Variants in CFAP299 observed in about 807,000 individuals in gnomAD.
CFAP299 encodes the protein cilia- and flagella-associated protein 299.
In CFAP299, 21 loss-of-function variants were observed where a neutral mutation model predicts 27.0. The observed-to-expected ratio is 0.78, with a 90% CI of 0.55 to 1.12. The LOEUF (loss-of-function observed/expected upper bound fraction) is 1.12, where lower values mean the gene tolerates loss of function less well. Ranked by LOEUF, CFAP299 falls within the 50% of genes most tolerant of loss-of-function variation. The probability of loss-of-function intolerance (pLI) is 0.00; values close to 1 mark genes in which losing one functional copy is unlikely to be tolerated. For synonymous variants in CFAP299, 104 were observed against 98.1 expected (o/e 1.06, Z -0.36); for missense variants, 310 against 276.6 (o/e 1.12, Z -0.86).
intron 2 of CFAP299, among the ~76,000 whole-genome samples, chr4:80,390,616 T>C (rs932972609): frequency 7.8e-6 from 1 of 128,694 alleles, no homozygotes; most frequent in East Asian, 2.1e-4. Context: ...CACACATATG[T>C]ATATATGTAT....
rs901450545 is a variant in CFAP299 at position 80,866,075 on chromosome 4, A to G, written c.334-3918A>G. On this transcript the variant is annotated intron_variant, in intron 3 of 5. Coordinates refer to ENST00000358105, the MANE Select transcript of CFAP299 (RefSeq NM_152770.3). The stretch of plus-strand genomic sequence containing the variant: ...CTTAAAGTATTATATATATATATAT[A>G]TATATATATATATATATATATCTTC... 2.5e-4 allele frequency among the ~76,000 whole-genome samples: 29 copies of G among 115,046 alleles called. No individual in the cohort carries two copies. In the South Asian group the frequency reaches 3.0e-3, roughly 12 times the overall value. The allele number at this position is 115,046 out of a possible 152,430, so 75.5% of individuals were successfully genotyped here.
At chr4:80,666,727 T>A (rs1437601240) in intron 3 of CFAP299, among the ~76,000 whole-genome samples, 1 of 152,216 alleles carries the variant, frequency 6.6e-6, no homozygotes, top group African/African-American at 2.4e-5. Flanking sequence ...CCAGACTTTC[T>A]TGTAACTAAG....
intron 2 of CFAP299, among the ~76,000 whole-genome samples, chr4:80,430,351 A>G (rs1388594810): frequency 6.6e-6 from 1 of 152,130 alleles, no homozygotes; most frequent in Non-Finnish European, 1.5e-5. Flanking sequence ...CTGCTGATCT[A>G]TTTCTCTGCC....
chr4:80,430,972 C>T (rs997023904), intron 2 of CFAP299, among the ~76,000 whole-genome samples: 1 of 152,204 alleles, frequency 6.6e-6, no homozygotes, highest in Non-Finnish European at 1.5e-5. Context: ...TAGTCCCTCA[C>T]ATCCTTCAGG....
intron 3 of CFAP299, chr4:80,790,353 A>C (rs964734811): frequency 6.6e-6 from 1 of 152,074 alleles, no homozygotes; most frequent in Non-Finnish European, 1.5e-5. Context: ...CTTAGTGGTC[A>C]GAGCAATTTT....
At chr4:80,401,486 A>T (rs1578403865) in intron 2 of CFAP299, among the ~76,000 whole-genome samples, 1 of 152,218 alleles carries the variant, frequency 6.6e-6, no homozygotes, top group African/African-American at 2.4e-5. Context: ...AGAGGGGGGA[A>T]GCCCCAAGTC....
At chr4:80,717,074 C>A (rs1364208669) in intron 3 of CFAP299, among the ~76,000 whole-genome samples, 2 of 152,068 alleles carry the variant, frequency 1.3e-5, no homozygotes, top group Non-Finnish European at 2.9e-5. Context: ...ATAATCTGCT[C>A]AGTGCTGGGG....
At chr4:80,513,492 C>G (rs747696821) in intron 2 of CFAP299, among the ~76,000 whole-genome samples, 1 of 152,226 alleles carries the variant, frequency 6.6e-6, no homozygotes, top group East Asian at 1.9e-4. Context: ...TAATGTATTT[C>G]CTTCCTGTCA....
chr4:80,867,736 A>G (rs1578199388), intron 3 of CFAP299, among the ~76,000 whole-genome samples: 1 of 152,354 alleles, frequency 6.6e-6, no homozygotes, highest in East Asian at 1.9e-4. Flanking sequence ...AGCCCACCCT[A>G]AAAAGCTCAT....
chr4:80,860,822 G>A lies in CFAP299; in HGVS notation c.334-9171G>A, dbSNP rs186929584. 8.8e-3 allele frequency among the ~76,000 whole-genome samples: 1,335 copies of A among 152,264 alleles called. 13 individuals are homozygous for A. Among genetic ancestry groups the A allele is most frequent in the Non-Finnish European group, 0.014 (983 of 68,010 alleles). ...GTGAGGTGTCAGTCTGCCCCTACTG[G>A]GGGGTGCCTCCCAGTTAGGCTGCTC... On this transcript the variant is annotated intron_variant, in intron 3 of 5. Transcript: ENST00000358105.
intron 3 of CFAP299, among the ~76,000 whole-genome samples, chr4:80,699,298 T>C (rs1217206179): frequency 6.6e-6 from 1 of 152,178 alleles, no homozygotes; most frequent in Non-Finnish European, 1.5e-5. Context: ...TCTGATAGGC[T>C]GTAGGTGGCT....
chr4:80,791,287 A>G (rs73829130), intron 3 of CFAP299, among the ~76,000 whole-genome samples: 1,921 of 152,138 alleles, frequency 0.013, 36 homozygotes, highest in African/African-American at 0.044. Context: ...GGTCATATAG[A>G]GTAGATACGA....
intron 2 of CFAP299, among the ~76,000 whole-genome samples, chr4:80,539,735 G>A (rs1733911826): frequency 6.6e-6 from 1 of 152,176 alleles, no homozygotes; most frequent in South Asian, 2.1e-4. Context: ...ATTAATGGAT[G>A]CCAAGTAGAA....
At chr4:80,942,893 AT>A (rs1481823291) in intron 4 of CFAP299, among the ~76,000 whole-genome samples, 2 of 152,218 alleles carry the variant, frequency 1.3e-5, no homozygotes, top group African/African-American at 2.4e-5. Context: ...ATCAAAGTAT[AT>A]TTTTTATTAT....
chr4:80,855,038 A>G (rs1175297185), intron 3 of CFAP299, among the ~76,000 whole-genome samples: 1 of 152,114 alleles, frequency 6.6e-6, no homozygotes, highest in East Asian at 1.9e-4. Flanking sequence ...AGTGACTCCA[A>G]AGAGCCGAAA....
chr4:80,743,130 T>C (rs1724378205), intron 3 of CFAP299, among the ~76,000 whole-genome samples: 1 of 152,136 alleles, frequency 6.6e-6, no homozygotes, highest in South Asian at 2.1e-4. Context: ...CCGTGGCTCA[T>C]GCCTGTAATA....
At chr4:80,499,978 TG>T (rs1731662613) in intron 2 of CFAP299, among the ~76,000 whole-genome samples, 1 of 152,046 alleles carries the variant, frequency 6.6e-6, no homozygotes, top group Middle Eastern at 3.2e-3. Context: ...ATTTTTTTTT[TG>T]TTTGTTTGTT....
intron 2 of CFAP299, among the ~76,000 whole-genome samples, chr4:80,519,357 C>A (rs1011590122): frequency 1.3e-5 from 2 of 152,202 alleles, no homozygotes; most frequent in East Asian, 3.9e-4. Context: ...CAAGCATGTG[C>A]CACCACAGGT....
chr4:80,707,296 A>G (rs910972523), intron 3 of CFAP299, among the ~76,000 whole-genome samples: 3 of 152,040 alleles, frequency 2.0e-5, no homozygotes, highest in African/African-American at 7.2e-5. Context: ...TGAAATGGTT[A>G]AGAAATAATC....
Sources: gnomAD v4.1 joint callset for allele counts (sites outside exome capture counted in the v4.1 genomes callset) on GRCh38, gnomAD v4.1.1 for gene constraint, MANE v1.5 for transcripts, NCBI Gene and HGNC (gene_info 2026-07-23, HGNC 2026-07-21) for gene names.